Variants in RP1 observed in about 807,000 individuals in gnomAD.
The protein encoded by RP1 is oxygen-regulated protein 1.
A neutral mutation model predicts 14.8 loss-of-function variants in RP1; 16 were observed. That is an observed-to-expected ratio of 1.08 (90% CI 0.73 to 1.65). The LOEUF (loss-of-function observed/expected upper bound fraction) is 1.65. RP1 is among the 40% of genes most tolerant of loss of function. The pLI is 0.00. For synonymous variants in RP1, 876 were observed against 883.6 expected (o/e 0.99, Z 0.15); for missense variants, 2,631 against 2,535.0 (o/e 1.04, Z -0.81).
chr8:54,812,683 A>G (rs1191791452), intron 24 of RP1, among the ~76,000 whole-genome samples: 1 of 152,204 alleles, frequency 6.6e-6, no homozygotes, highest in Non-Finnish European at 1.5e-5. Flanking sequence ...GTTCTCAGGC[A>G]TAACAGCAGA....
intron 21 of RP1, among the ~76,000 whole-genome samples, chr8:54,756,138 T>C (rs1274409009): frequency 2.0e-5 from 3 of 152,360 alleles, no homozygotes; most frequent in African/African-American, 7.2e-5. Flanking sequence ...CATTATACTA[T>C]ATTTCATATA....
exon 21 of RP1, chr8:54,755,764 A>G: frequency 2.6e-6 from 4 of 1,520,416 alleles, no homozygotes; most frequent in Non-Finnish European, 3.5e-6. Context: ...AATTTCAAAG[A>G]GGACAGGTGA....
At chr8:54,770,162 CA>C (rs1809866857), downstream of RP1, 1 of 401,228 alleles carries the variant, frequency 2.5e-6, no homozygotes, top group Non-Finnish European at 4.4e-6. Context: ...CAAGAGGAAG[CA>C]AATGGTAAAT....
intron 3 of RP1, among the ~76,000 whole-genome samples, chr8:54,637,701 T>A (rs977207181): frequency 6.6e-5 from 10 of 152,216 alleles, no homozygotes; most frequent in South Asian, 2.1e-4. Context: ...TAATTTTTTT[T>A]ATTAAATTAC....
chr8:54,783,706 T>TG lies in RP1; in HGVS notation c.3611_3612insG (p.Phe1204LeufsTer4), dbSNP rs1810247129. 1.6e-6 allele frequency: 2 copies of TG among 1,230,376 alleles called. No homozygotes were observed. The highest frequency in any genetic ancestry group is 3.1e-5 in the African/African-American group (2 of 64,334). The allele number at this position is 1,230,376 out of a possible 1,614,324, so 76.2% of individuals were successfully genotyped here. A position where few individuals can be genotyped will look rare whatever the true frequency, so the allele number is the denominator to read the frequency against. ...TTTAACCCTAACACTGCAGATATATTCAAGGTAAAAATGATACAGCTATAA... is the reference window on the plus strand; with the variant it reads ...TTTAACCCTAACACTGCAGATATATTGCAAGGTAAAAATGATACAGCTATAA... On this transcript the variant is annotated frameshift_variant, in exon 24 of 29. Coordinates refer to the RP1 transcript ENST00000637698. LOFTEE classifies it high-confidence loss of function.
chr8:54,724,316 A>C (rs745821712), intron 16 of RP1, among the ~76,000 whole-genome samples: 1 of 152,220 alleles, frequency 6.6e-6, no homozygotes, highest in Non-Finnish European at 1.5e-5. Context: ...CACTTGTTTT[A>C]CTTTTAAAAT....
intron 1 of RP1, among the ~76,000 whole-genome samples, chr8:54,602,397 A>C (rs202229653): frequency 6.6e-6 from 1 of 152,138 alleles, no homozygotes; most frequent in Non-Finnish European, 1.5e-5. Flanking sequence ...TAGTATTCCA[A>C]GGTGTATATG....
intron 1 of RP1, among the ~76,000 whole-genome samples, chr8:54,606,662 C>T (rs1243638902): frequency 6.6e-6 from 1 of 152,202 alleles, no homozygotes; most frequent in African/African-American, 2.4e-5. Context: ...GCACTCTCCT[C>T]ATCACTTTCA....
At chr8:54,611,483 C>T (rs750699925), upstream of RP1, among the ~76,000 whole-genome samples, 4 of 152,088 alleles carry the variant, frequency 2.6e-5, no homozygotes, top group Admixed American at 2.0e-4. Flanking sequence ...TTTTGAACTG[C>T]TCTTGTGAAT....
At chr8:54,725,260 T>A (rs1808627282) in intron 16 of RP1, among the ~76,000 whole-genome samples, 1 of 152,238 alleles carries the variant, frequency 6.6e-6, no homozygotes, top group Admixed American at 6.5e-5. Flanking sequence ...TTATTCTCCA[T>A]GAACATATTT....
chr8:54,811,802 T>C (rs906400652), intron 24 of RP1, among the ~76,000 whole-genome samples: 2 of 152,226 alleles, frequency 1.3e-5, no homozygotes, highest in Non-Finnish European at 2.9e-5. Flanking sequence ...ATTTTGATGC[T>C]TTTCATTGAA....
intron 7 of RP1, among the ~76,000 whole-genome samples, chr8:54,671,966 T>C (rs760078695): frequency 3.4e-4 from 52 of 152,150 alleles, no homozygotes; most frequent in Non-Finnish European, 1.0e-4. Context: ...GTCACGTGCT[T>C]TACTAGGGGA....
At chr8:54,765,001 A>G (rs1304131180) in intron 22 of RP1, among the ~76,000 whole-genome samples, 3 of 152,120 alleles carry the variant, frequency 2.0e-5, no homozygotes, top group Non-Finnish European at 2.9e-5. Flanking sequence ...GAAAAACTGA[A>G]GTGGCTAGTT....
intron 24 of RP1, among the ~76,000 whole-genome samples, chr8:54,824,663 C>A (rs963120497): frequency 6.6e-6 from 1 of 152,066 alleles, no homozygotes; most frequent in African/African-American, 2.4e-5. Context: ...AAGTCCTTAA[C>A]AAAATATTAC....
At chr8:54,753,498 T>C (rs1809424349) in intron 19 of RP1, among the ~76,000 whole-genome samples, 1 of 152,134 alleles carries the variant, frequency 6.6e-6, no homozygotes, top group Non-Finnish European at 1.5e-5. Context: ...GTGTAAGCTA[T>C]GAAGGATGGG....
intron 3 of RP1, among the ~76,000 whole-genome samples, chr8:54,643,938 A>C (rs1267244938): frequency 6.6e-6 from 1 of 152,192 alleles, no homozygotes; most frequent in African/African-American, 2.4e-5. Flanking sequence ...ACCGCATCCC[A>C]ATATTCCCAA....
upstream of RP1, among the ~76,000 whole-genome samples, chr8:54,615,755 T>A (rs1196841185): frequency 2.0e-5 from 3 of 152,198 alleles, no homozygotes; most frequent in Non-Finnish European, 4.4e-5. Context: ...TAGAAACTTA[T>A]CAGAATGAGA....
intron 24 of RP1, among the ~76,000 whole-genome samples, chr8:54,830,120 G>T (rs2129400805): frequency 6.6e-6 from 1 of 152,232 alleles, no homozygotes; most frequent in South Asian, 2.1e-4. Flanking sequence ...ATTATTGAGA[G>T]AAGATGTTAA....
At chr8:54,855,973 C>CACACACACACACA (rs367829972) in intron 26 of RP1, among the ~76,000 whole-genome samples, 1 of 102,190 alleles carries the variant, frequency 9.8e-6, no homozygotes, top group Non-Finnish European at 1.9e-5. Flanking sequence ...ACACACACAC[C>CACACACACACACA]CCCTATAACC....
Sources: allele counts gnomAD v4.1 joint callset (sites outside exome capture counted in the v4.1 genomes callset), GRCh38; gene constraint gnomAD v4.1.1; transcripts MANE v1.5; gene names NCBI Gene and HGNC (gene_info 2026-07-23, HGNC 2026-07-21).